The following TMEM40 variants were observed in gnomAD, a reference collection of about 807,000 sequenced individuals.
TMEM40 encodes the protein transmembrane protein 40.
A neutral mutation model predicts 40.8 loss-of-function variants in TMEM40; 34 were observed. That is an observed-to-expected ratio of 0.83 (90% confidence interval 0.63 to 1.11). The LOEUF (loss-of-function observed/expected upper bound fraction) is 1.11. TMEM40 is among the 50% of genes least tolerant of loss of function. The pLI, the probability that TMEM40 is intolerant of heterozygous loss-of-function variation, is 0.00. For synonymous variants in TMEM40, 106 were observed against 107.0 expected (o/e 0.99, Z 0.06); for missense variants, 296 against 280.2 (o/e 1.06, Z -0.40).
In TMEM40 at chr3:12,733,581, C is replaced by T. The variant is rs2061316060; in HGVS notation, c.*1193G>A. The T allele has an allele frequency of 6.6e-6, 1 of 152,068 alleles. No individual in the cohort carries two copies. Among genetic ancestry groups the T allele is most frequent in the African/African-American group, 2.4e-5 (1 of 41,398 alleles). The allele number at this position is 152,068 out of a possible 1,614,324, so 9.4% of individuals were successfully genotyped here. Reference sequence around the variant, plus strand: ...GTTTAATAAATATCTGATCTGTGCACTCTGGGCTCCCGTTAAATTAGGTTA... The same window carrying T: ...GTTTAATAAATATCTGATCTGTGCATTCTGGGCTCCCGTTAAATTAGGTTA... On this transcript the variant is annotated 3_prime_UTR_variant, in exon 12 of 12. Coordinates refer to ENST00000314124, the MANE Select transcript of TMEM40 (RefSeq NM_018306.4).
chr3:12,740,891 C>G (rs1476254606), intron 5 of TMEM40, among the ~76,000 whole-genome samples: 1 of 152,058 alleles, frequency 6.6e-6, no homozygotes, highest in Non-Finnish European at 1.5e-5. Flanking sequence ...AAACCTCCCC[C>G]TCCCCTGCCC....
chr3:12,768,256 G>A (rs548378359), intron 1 of TMEM40, among the ~76,000 whole-genome samples: 37 of 152,288 alleles, frequency 2.4e-4, no homozygotes, highest in Middle Eastern at 3.4e-3. Context: ...TTCGTGGTGA[G>A]TGTTACAACT....
chr3:12,739,773 A>G (rs1336824519), intron 5 of TMEM40, among the ~76,000 whole-genome samples: 1 of 152,052 alleles, frequency 6.6e-6, no homozygotes, highest in East Asian at 1.9e-4. Flanking sequence ...CAAATGTGAA[A>G]AAAATGTGGT....
intron 1 of TMEM40, among the ~76,000 whole-genome samples, chr3:12,756,390 C>G (rs1462553968): frequency 2.0e-5 from 3 of 152,122 alleles, no homozygotes; most frequent in African/African-American, 7.2e-5. Context: ...ATTGTGCAAT[C>G]AAAAAGTTAG....
chr3:12,742,845 T>G (rs948354613), intron 4 of TMEM40, among the ~76,000 whole-genome samples: 2 of 152,176 alleles, frequency 1.3e-5, no homozygotes, highest in African/African-American at 2.4e-5. Flanking sequence ...CTCACGGATA[T>G]CCTATGAAGA....
At chr3:12,768,938 G>GGGGGC (rs1559538181) in intron 1 of TMEM40, among the ~76,000 whole-genome samples, 1 of 39,294 alleles carries the variant, frequency 2.5e-5, no homozygotes, top group African/African-American at 7.9e-5. Flanking sequence ...GCGGGGCGGG[G>GGGGGC]GGGGCGGGGG....
At chr3:12,745,018 G>T (rs751644838) in intron 3 of TMEM40, among the ~76,000 whole-genome samples, 1 of 152,104 alleles carries the variant, frequency 6.6e-6, no homozygotes, top group Non-Finnish European at 1.5e-5. Context: ...AAAAGATAAT[G>T]CATGTTGCAA....
In TMEM40 at chr3:12,734,406, G is replaced by A; in HGVS notation, c.*368C>T. ...ACCTGAGAGCGCATGCAGATAGCCT[G>A]GGATTTGAGAAAAACCATGAACCCA... is the stretch of plus-strand genomic sequence containing the variant. On this transcript the variant is annotated 3_prime_UTR_variant, in exon 12 of 12. Transcript: ENST00000314124. The A allele has an allele frequency of 4.3e-6, 1 of 230,180 alleles. No homozygotes were observed. 14.3% of individuals were successfully genotyped at this position (230,180 alleles called of 1,614,324 possible). A position where few individuals can be genotyped will look rare whatever the true frequency, so the allele number is the denominator to read the frequency against.
At chr3:12,745,226 A>ATTTTTTTTTTT (rs144839288) in intron 3 of TMEM40, among the ~76,000 whole-genome samples, 2 of 127,104 alleles carry the variant, frequency 1.6e-5, no homozygotes, top group African/African-American at 6.3e-5. Flanking sequence ...CACCTGGCTA[A>ATTTTTTTTTTT]TTTTTTTTTT....
intron 3 of TMEM40, among the ~76,000 whole-genome samples, chr3:12,747,809 G>T (rs1484689860): frequency 6.6e-6 from 1 of 151,060 alleles, no homozygotes; most frequent in African/African-American, 2.4e-5. Flanking sequence ...TACTCGGGAG[G>T]CTGAGGCAGG....
intron 3 of TMEM40, among the ~76,000 whole-genome samples, chr3:12,747,452 T>A (rs2061438133): frequency 6.6e-6 from 1 of 152,188 alleles, no homozygotes; most frequent in African/African-American, 2.4e-5. Context: ...AGAATTGAGT[T>A]ATTACATGCA....
intron 1 of TMEM40, among the ~76,000 whole-genome samples, chr3:12,765,615 T>C (rs28393072): frequency 0.1 from 15,312 of 149,796 alleles, 2,603 homozygotes; most frequent in African/African-American, 0.36. Context: ...TTGCCCAGGC[T>C]GGAGTGCAGT....
chr3:12,759,349 T>C (rs758669328), upstream of TMEM40: 1 of 152,384 alleles, frequency 6.6e-6, no homozygotes, highest in Non-Finnish European at 1.5e-5. Context: ...CTCACTGGGA[T>C]GGCATTCCTT....
intron 1 of TMEM40, among the ~76,000 whole-genome samples, chr3:12,757,806 T>C (rs2061540484): frequency 6.6e-6 from 1 of 152,178 alleles, no homozygotes; most frequent in Non-Finnish European, 1.5e-5. Flanking sequence ...ATAGCAGCAT[T>C]ACACATAACA....
chr3:12,745,306 G>A (rs530187790), intron 3 of TMEM40, among the ~76,000 whole-genome samples: 3 of 150,116 alleles, frequency 2.0e-5, no homozygotes, highest in African/African-American at 7.4e-5. Flanking sequence ...GACCTCAGGT[G>A]ATCCACCCAC....
At chr3:12,735,357 T>TA (rs2061329815) in intron 11 of TMEM40, among the ~76,000 whole-genome samples, 198 bp downstream of exon 11, 1 of 152,166 alleles carries the variant, frequency 6.6e-6, no homozygotes, top group Non-Finnish European at 1.5e-5. Context: ...AGAAAAGTAT[T>TA]ACACCTATTT....
intron 1 of TMEM40, among the ~76,000 whole-genome samples, chr3:12,755,215 C>CTTTCTTTCTT (rs373985866): frequency 1.1e-4 from 7 of 65,216 alleles, no homozygotes; most frequent in African/African-American, 7.3e-4. Context: ...TTCTTTCTTT[C>CTTTCTTTCTT]TCTCTCTCTC....
upstream of TMEM40, among the ~76,000 whole-genome samples, chr3:12,763,344 T>C (rs1214736005): frequency 2.0e-5 from 3 of 152,112 alleles, no homozygotes; most frequent in East Asian, 5.8e-4. Context: ...ACAGGATGGA[T>C]GAACCTCAGG....
chr3:12,746,515 G>C (rs2061429711), intron 3 of TMEM40, among the ~76,000 whole-genome samples: 1 of 152,220 alleles, frequency 6.6e-6, no homozygotes. Flanking sequence ...GTATGTGGGA[G>C]AGAGATGGTG....
Sources: gnomAD v4.1 joint callset for allele counts (sites outside exome capture counted in the v4.1 genomes callset) on GRCh38, gnomAD v4.1.1 for gene constraint, MANE v1.5 for transcripts, NCBI Gene and HGNC (gene_info 2026-07-23, HGNC 2026-07-21) for gene names.